RXFP2: variants seen among roughly 807,000 people sequenced by gnomAD.
RXFP2 encodes relaxin receptor 2.
A neutral mutation model predicts 88.6 loss-of-function variants in RXFP2; 68 were observed. That is an observed-to-expected ratio of 0.77 (90% CI 0.63 to 0.94). The LOEUF is 0.94. RXFP2 is among the 40% of genes least tolerant of loss of function. The pLI is 0.00. For synonymous variants in RXFP2, 329 were observed against 306.8 expected, an observed-to-expected ratio of 1.07 and a Z score of -0.76; for missense variants, 791 against 893.9, an observed-to-expected ratio of 0.88 and a Z score of 1.47.
At chr13:31,763,731 T>G (rs547059245) in intron 3 of RXFP2, among the ~76,000 whole-genome samples, 1 of 152,298 alleles carries the variant, frequency 6.6e-6, no homozygotes, top group Admixed American at 6.5e-5. Flanking sequence ...TTTCTGGTGT[T>G]GACAGCACAC....
intron 5 of RXFP2, among the ~76,000 whole-genome samples, chr13:31,769,287 A>G (rs903514730): frequency 4.6e-5 from 7 of 152,166 alleles, no homozygotes; most frequent in Admixed American, 2.0e-4. Flanking sequence ...TTTTGTCCAC[A>G]TTACCACTGC....
At chr13:31,786,245 G>A (rs988678715) in intron 11 of RXFP2, 138 bp from the exon 12 acceptor site, 1 of 736,428 alleles carries the variant, frequency 1.4e-6, no homozygotes. Context: ...CGGCCCTGTT[G>A]TGTAACAAGT....
chr13:31,742,485 G>A (rs918137687), intron 1 of RXFP2, among the ~76,000 whole-genome samples: 4 of 152,164 alleles, frequency 2.6e-5, no homozygotes, highest in African/African-American at 7.2e-5. Context: ...ACCTGCTTGC[G>A]GGCTGAATGA....
At chr13:31,757,033 A>C (rs1871988188) in intron 1 of RXFP2, among the ~76,000 whole-genome samples, 1 of 152,242 alleles carries the variant, frequency 6.6e-6, no homozygotes, top group African/African-American at 2.4e-5. Flanking sequence ...TCTTACATTT[A>C]AATTGCTAGA....
chr13:31,772,349 C>T (rs1872764364), intron 5 of RXFP2, among the ~76,000 whole-genome samples: 1 of 152,194 alleles, frequency 6.6e-6, no homozygotes, highest in African/African-American at 2.4e-5. Flanking sequence ...TGCCTATAAA[C>T]ATGCATGTCA....
chr13:31,775,899 C>T (rs1181166054), intron 7 of RXFP2, among the ~76,000 whole-genome samples: 3 of 152,198 alleles, frequency 2.0e-5, no homozygotes, highest in South Asian at 4.1e-4. Context: ...ACACAAGGGG[C>T]GGTTAGCAGG....
At chr13:31,801,268 G>A (rs1020927855) in intron 17 of RXFP2, among the ~76,000 whole-genome samples, 5 of 152,054 alleles carry the variant, frequency 3.3e-5, no homozygotes, top group South Asian at 2.1e-4. Flanking sequence ...AGGAAGTAGC[G>A]TCCTGTGGTA....
At chr13:31,759,443 A>AAGAAAGAAAGAT (rs1452508897) in intron 2 of RXFP2, among the ~76,000 whole-genome samples, 34 of 151,270 alleles carry the variant, frequency 2.2e-4, no homozygotes, top group African/African-American at 5.8e-4. Context: ...GAAAGAAAGA[A>AAGAAAGAAAGAT]AGATACTGTG....
chr13:31,764,284 C>CACACACACACACACAT (rs762385260), intron 3 of RXFP2, among the ~76,000 whole-genome samples: 3 of 150,322 alleles, frequency 2.0e-5, no homozygotes, highest in African/African-American at 4.9e-5. Context: ...CACACACACA[C>CACACACACACACACAT]ACACAGTGAC....
Position 31,797,406 on chromosome 13 carries a change from G to A in RXFP2, c.1992G>A (p.Arg664=), listed in dbSNP as rs773513880. 1 of 1,613,292 alleles carries A rather than the reference G, an allele frequency of 6.2e-7. No homozygotes were observed. The highest frequency in any genetic ancestry group is 2.2e-5 in the East Asian group (1 of 44,860). Residue 664 remains arginine (R), a synonymous_variant, in exon 17 of 18, where the codon CGG becomes CGA. Coordinates refer to ENST00000298386, the MANE Select transcript of RXFP2 (RefSeq NM_130806.5). ...VFVVKILSLF[R]VEIPDTMTSW... The stretch of plus-strand genomic sequence containing the variant: ...TAGTTAAAATCCTTTCCCTCTTCCG[G>A]GTGGAAATACCAGGTCAGTCTCTTC...
At chr13:31,765,695 A>G (rs991190253) in intron 4 of RXFP2, among the ~76,000 whole-genome samples, 1 of 152,168 alleles carries the variant, frequency 6.6e-6, no homozygotes, top group Admixed American at 6.5e-5. Context: ...CCCACAGAGT[A>G]AAAACAAAGA....
At chr13:31,799,612 G>A (rs770778292) in intron 17 of RXFP2, among the ~76,000 whole-genome samples, 1 of 152,122 alleles carries the variant, frequency 6.6e-6, no homozygotes, top group Non-Finnish European at 1.5e-5. Flanking sequence ...GGAGGTCCTG[G>A]GTTCCTCTCC....
chr13:31,796,683 T>C (rs1874065681), intron 16 of RXFP2, among the ~76,000 whole-genome samples: 1 of 152,242 alleles, frequency 6.6e-6, no homozygotes, highest in South Asian at 2.1e-4. Flanking sequence ...AATTTCTTTG[T>C]TTTTATTCCC....
intron 16 of RXFP2, among the ~76,000 whole-genome samples, chr13:31,795,846 G>A (rs1340225798): frequency 6.6e-6 from 1 of 152,088 alleles, no homozygotes; most frequent in Non-Finnish European, 1.5e-5. Flanking sequence ...AGCATGAAAG[G>A]TAATAGTGAT....
chr13:31,784,720 C>A (rs1873445705), intron 11 of RXFP2, among the ~76,000 whole-genome samples: 1 of 152,180 alleles, frequency 6.6e-6, no homozygotes, highest in Non-Finnish European at 1.5e-5. Flanking sequence ...ACAGAACTAA[C>A]AAGAGACCCC....
rs986485899 is a variant in RXFP2, at chr13:31,802,879, G to A, written c.*474G>A. 1.2e-5 allele frequency: 2 copies of A among 165,334 alleles called. No homozygotes were observed. Among genetic ancestry groups the A allele is most frequent in the East Asian group, 1.7e-4 (1 of 5,922 alleles). The allele number at this position is 165,334 out of a possible 1,614,324, so 10.2% of individuals were successfully genotyped here. A position where few individuals can be genotyped will look rare whatever the true frequency, so the allele number is the denominator to read the frequency against. ...GCATCCTGCTGGATTGATAGCAAAG[G>A]ATTTCCAAAATATTCATCTACCCGA... On this transcript the variant is annotated 3_prime_UTR_variant, in exon 18 of 18. Coordinates refer to ENST00000298386, the MANE Select transcript of RXFP2 (RefSeq NM_130806.5).
Position 31,802,414 on chromosome 13 carries a change from T to C in RXFP2, c.*9T>C. The stretch of plus-strand genomic sequence containing the variant: ...TGAAACCAGTTTCCTAGCAATCATT[T>C]TGGATCACTGGACTTTCAGTGGACT... On this transcript the variant is annotated 3_prime_UTR_variant, in exon 18 of 18. Coordinates refer to ENST00000298386, the MANE Select transcript of RXFP2 (RefSeq NM_130806.5). The C allele has an allele frequency of 1.9e-6, 3 of 1,613,544 alleles. No homozygotes were observed. Among genetic ancestry groups the C allele is most frequent in the Non-Finnish European group, 2.5e-6 (3 of 1,179,928 alleles).
At chr13:31,752,757 T>C (rs899169901) in intron 1 of RXFP2, among the ~76,000 whole-genome samples, 1 of 152,154 alleles carries the variant, frequency 6.6e-6, no homozygotes, top group Non-Finnish European at 1.5e-5. Flanking sequence ...CTACTTCTCC[T>C]TGGCTTCTCA....
In RXFP2 at chr13:31,766,002, A is replaced by T; in HGVS notation, c.472A>T (p.Ile158Phe). Residue 158 changes from isoleucine to phenylalanine, a missense_variant, in exon 5 of 18, where the codon ATC (isoleucine) becomes TTC (phenylalanine). Transcript: ENST00000298386. The stretch of plus-strand genomic sequence containing the variant: ...CCACAGTCTTCCAGATAAAGTTTTC[A>T]TCAAATACACAAAACTTAAAAAGAT... ...KIHSLPDKVF[I>F]KYTKLKKIFL... The T allele has an allele frequency of 6.5e-7, 1 of 1,548,754 alleles. No individual in the cohort carries two copies. Among genetic ancestry groups the T allele is most frequent in the Non-Finnish European group, 8.9e-7 (1 of 1,121,772 alleles).
Sources: allele counts gnomAD v4.1 joint callset (sites outside exome capture counted in the v4.1 genomes callset), GRCh38; gene constraint gnomAD v4.1.1; transcripts MANE v1.5; gene names NCBI Gene and HGNC (gene_info 2026-07-23, HGNC 2026-07-21).